SYNE2: variants seen among roughly 807,000 people sequenced by gnomAD.
The protein encoded by SYNE2 is spectrin repeat containing nuclear envelope protein 2.
Under a neutral mutation model 856.3 loss-of-function variants are expected in SYNE2, and 431 were observed. The ratio of observed to expected loss-of-function variants is 0.50; its 90% CI spans 0.47 to 0.55. The LOEUF is 0.55. SYNE2 is among the 20% of genes least tolerant of loss of function. The probability of loss-of-function intolerance (pLI) is 0.00; values close to 1 mark genes in which losing one functional copy is unlikely to be tolerated. For synonymous variants in SYNE2, 2,923 were observed against 2,872.3 expected, an observed-to-expected ratio of 1.02 and a Z score of -0.56; for missense variants, 8,129 against 8,023.2, an observed-to-expected ratio of 1.01 and a Z score of -0.50.
At chr14:63,798,751 G>A (rs1888016396) in intron 1 of SYNE2, among the ~76,000 whole-genome samples, 1 of 152,106 alleles carries the variant, frequency 6.6e-6, no homozygotes, top group Non-Finnish European at 1.5e-5. Context: ...TGGGGTCTAA[G>A]AGATATTATT....
chr14:63,907,461 A>T (rs1202868122), intron 1 of SYNE2, among the ~76,000 whole-genome samples: 2 of 152,196 alleles, frequency 1.3e-5, no homozygotes, highest in African/African-American at 4.8e-5. Context: ...GTCTTTTCAA[A>T]TGTGGAGATA....
chr14:63,915,990 A>G (rs1217553070), intron 2 of SYNE2, among the ~76,000 whole-genome samples: 1 of 152,210 alleles, frequency 6.6e-6, no homozygotes, highest in African/African-American at 2.4e-5. Flanking sequence ...AACCCCAATC[A>G]TGCACAGTGG....
intron 28 of SYNE2, 114 bp downstream of exon 28, chr14:64,000,833 A>G: frequency 1.0e-6 from 1 of 965,270 alleles, no homozygotes; most frequent in Non-Finnish European, 1.6e-6. Context: ...GGATGTCACA[A>G]CAACAGTAAG....
intron 28 of SYNE2, among the ~76,000 whole-genome samples, chr14:64,001,037 T>G (rs1032329969): frequency 1.3e-5 from 2 of 152,278 alleles, no homozygotes; most frequent in African/African-American, 4.8e-5. Context: ...ATAAACTCTA[T>G]GGGCATTGAT....
intron 1 of SYNE2, among the ~76,000 whole-genome samples, chr14:63,844,796 G>T (rs1404632928): frequency 2.6e-5 from 4 of 152,086 alleles, no homozygotes; most frequent in African/African-American, 7.2e-5. Context: ...TGTAATCTTA[G>T]CATTTTATGA....
At position 64,220,422 on chromosome 14, in the gene SYNE2, TTC is replaced by T. The variant is rs1044473353; in HGVS notation, c.19861-7_19861-6del. Reference sequence around the variant, plus strand: ...CTTTCAGAGCTCCTAACCTCATCTTTTCTCTCTCTGGTAGGAGATACTGAAAG... The same window carrying T: ...CTTTCAGAGCTCCTAACCTCATCTTTTCTCTCTGGTAGGAGATACTGAAAG... On this transcript the variant is annotated splice_polypyrimidine_tract_variant and intron_variant, in intron 110 of 115. Coordinates refer to ENST00000555002, the MANE Select transcript of SYNE2 (RefSeq NM_182914.3). 6 of 1,614,108 alleles carry T rather than the reference TTC, an allele frequency of 3.7e-6. No individual in the cohort carries two copies. In the East Asian group the frequency reaches 8.9e-5, roughly 24 times the overall value.
intron 100 of SYNE2, chr14:64,208,217 T>C: frequency 2.2e-6 from 1 of 454,016 alleles, no homozygotes; most frequent in South Asian, 1.6e-5. Context: ...ATTTCTCCCT[T>C]GGGCTCATGA....
At chr14:63,920,392 G>A (rs1311312997) in intron 2 of SYNE2, among the ~76,000 whole-genome samples, 1 of 151,822 alleles carries the variant, frequency 6.6e-6, no homozygotes, top group African/African-American at 2.4e-5. Flanking sequence ...GCGGGCAGGA[G>A]AGGCCAGAAG....
chr14:64,032,908 C>T (rs1467564890), intron 45 of SYNE2, among the ~76,000 whole-genome samples: 2 of 152,090 alleles, frequency 1.3e-5, no homozygotes, highest in Non-Finnish European at 2.9e-5. Flanking sequence ...TGGCTCACAC[C>T]ACTAATCTCG....
chr14:64,037,585 CCCCCTTTCT>C (rs1466638501), intron 45 of SYNE2, among the ~76,000 whole-genome samples: 5 of 151,908 alleles, frequency 3.3e-5, no homozygotes, highest in Admixed American at 1.3e-4. Context: ...CCCACCTTTC[CCCCCTTTCT>C]ATTCCACAAA....
chr14:63,900,369 C>CCT (rs1173979149), intron 1 of SYNE2, among the ~76,000 whole-genome samples: 2 of 152,076 alleles, frequency 1.3e-5, no homozygotes, highest in East Asian at 3.8e-4. Context: ...GCTGGGGAGG[C>CCT]CTCACAATCA....
rs28526278 is a variant in SYNE2, at chr14:64,136,426, G to T, written c.14647-1361G>T. Among the ~76,000 whole-genome samples, 34 of 151,864 alleles carry T rather than the reference G, an allele frequency of 2.2e-4. No individual in the cohort carries two copies. The East Asian group carries it at 5.8e-3, about 26-fold the overall frequency. On this transcript the variant is annotated intron_variant, in intron 78 of 115. Transcript: ENST00000555002. The stretch of plus-strand genomic sequence containing the variant: ...TTTTAATACAGATGCTCAGACACGG[G>T]GGGGAGGGGATTACAAATGGGAGTG...
rs763370089 is a variant in SYNE2 at position 64,168,988 on chromosome 14, T to C, written c.17000+17T>C. On this transcript the variant is annotated intron_variant, in intron 93 of 115. Coordinates refer to ENST00000555002, the MANE Select transcript of SYNE2 (RefSeq NM_182914.3). ...AGAGAACAGGTGAGCTGTCTGGGCCTCATGAAGGTTGTGGGCGGATGGAAG... is the reference window on the plus strand; with the variant it reads ...AGAGAACAGGTGAGCTGTCTGGGCCCCATGAAGGTTGTGGGCGGATGGAAG... 5 of 1,596,732 alleles carry C rather than the reference T, an allele frequency of 3.1e-6. No homozygotes were observed. In the South Asian group the frequency reaches 5.5e-5, roughly 18 times the overall value.
At chr14:63,785,702 ATG>A in intron 1 of SYNE2, among the ~76,000 whole-genome samples, 1 of 152,334 alleles carries the variant, frequency 6.6e-6, no homozygotes, top group Non-Finnish European at 1.5e-5. Context: ...ATATGTGGCT[ATG>A]TCTCATAAAA....
At chr14:64,034,543 T>TA (rs1215869721) in intron 45 of SYNE2, 1 of 531,886 alleles carries the variant, frequency 1.9e-6, no homozygotes, top group Admixed American at 2.8e-5. Context: ...CATCATAGCA[T>TA]GTATATATTT....
chr14:63,808,347 G>A (rs539201144), intron 1 of SYNE2, among the ~76,000 whole-genome samples: 153 of 152,002 alleles, frequency 1.0e-3, no homozygotes, highest in South Asian at 7.3e-3. Flanking sequence ...AAATTTGCTG[G>A]GTGTGTTGGC....
intron 1 of SYNE2, among the ~76,000 whole-genome samples, chr14:63,873,121 A>G (rs962918558): frequency 1.3e-5 from 2 of 152,216 alleles, no homozygotes; most frequent in African/African-American, 4.8e-5. Flanking sequence ...CATAAACCAC[A>G]TAATGACAGC....
chr14:64,121,646 C>T (rs1003814356), intron 68 of SYNE2, among the ~76,000 whole-genome samples: 1 of 152,196 alleles, frequency 6.6e-6, no homozygotes, highest in Non-Finnish European at 1.5e-5. Context: ...ATAGCATCTG[C>T]TTTGCTTTCA....
Position 64,025,306 on chromosome 14 carries a change from T to G in SYNE2, c.6137T>G (p.Phe2046Cys). The change falls in exon 41 of 116, where the codon TTT (phenylalanine) becomes TGT (cysteine). Residue 2046 changes from phenylalanine (F) to cysteine (C), a missense_variant. Coordinates refer to ENST00000555002, the MANE Select transcript of SYNE2 (RefSeq NM_182914.3). ...TTACTACCCACAGAGGACCAGAGCT[T>G]TAATGATCTTGCACATGATGTAATT... ...DKLLPTEDQS[F>C]NDLAHDVIHW... The G allele has an allele frequency of 6.2e-7, 1 of 1,614,124 alleles. No individual in the cohort carries two copies. Among genetic ancestry groups the G allele is most frequent in the Non-Finnish European group, 8.5e-7 (1 of 1,179,984 alleles).
Sources: allele counts gnomAD v4.1 joint callset (sites outside exome capture counted in the v4.1 genomes callset), GRCh38; gene constraint gnomAD v4.1.1; transcripts MANE v1.5; gene names NCBI Gene and HGNC (gene_info 2026-07-23, HGNC 2026-07-21).